FEZ1: variants seen among roughly 807,000 people sequenced by gnomAD.
FEZ1 encodes fasciculation and elongation protein zeta-1.
FEZ1 carries 20 observed loss-of-function variants against 49.3 expected under a neutral mutation model. The ratio of observed to expected loss-of-function variants is 0.41; its 90% CI spans 0.29 to 0.59. FEZ1 has a LOEUF of 0.59. FEZ1 is among the 20% of genes least tolerant of loss of function. The pLI is 0.36. For missense variants in FEZ1, 413 were observed against 476.0 expected, an observed-to-expected ratio of 0.87 and a Z score of 1.23; for synonymous variants, 170 against 180.9, an observed-to-expected ratio of 0.94 and a Z score of 0.48.
rs2135731938 is a variant in FEZ1, at chr11:125,446,105, C to G, written c.1169G>C (p.Cys390Ser). Residue 390 changes from cysteine to serine, a missense_variant, in exon 10 of 10, where the codon TGC becomes TCC. Coordinates refer to ENST00000278919, the MANE Select transcript of FEZ1 (RefSeq NM_005103.5). ...LLTDYILKVLCPT is the reference protein window; with the variant it reads ...LLTDYILKVLSPT ...CTCCAAAGGGCAAGGTTAGGTAGGG[C>G]AGAGCACTGCAACGAGAAGAGAGGA... The G allele has an allele frequency of 1.9e-6, 3 of 1,613,998 alleles. No individual in the cohort carries two copies. The highest frequency in any genetic ancestry group is 2.5e-6 in the Non-Finnish European group (3 of 1,179,902).
chr11:125,481,712 G>T, intron 2 of FEZ1, 79 bp from the exon 3 acceptor site: 1 of 961,260 alleles, frequency 1.0e-6, no homozygotes. Context: ...TGGGCCGGGA[G>T]AGGAGAGAGG....
chr11:125,474,251 C>G (rs533994603), intron 3 of FEZ1, among the ~76,000 whole-genome samples: 24 of 146,824 alleles, frequency 1.6e-4, no homozygotes, highest in Non-Finnish European at 2.7e-4. Context: ...TGTTAGCCAG[C>G]ATGGTCTCAA....
intron 2 of FEZ1, among the ~76,000 whole-genome samples, chr11:125,484,940 A>G (rs1565303648): frequency 6.6e-6 from 1 of 152,128 alleles, no homozygotes; most frequent in Non-Finnish European, 1.5e-5. Flanking sequence ...AGGAAGAGAA[A>G]GGGAAGGGCT....
At position 125,495,375 on chromosome 11, in the gene FEZ1, C is replaced by T. The variant is rs763065434; in HGVS notation, c.-46+746G>A. On this transcript the variant is annotated intron_variant, in intron 1 of 9. Transcript: ENST00000278919. This position sits in a 1 kb window ranked among gnomAD's most constrained non-coding sequence, Gnocchi z 4.2. ...AGGGATAGGCAAAAGGGAAGAAGAG[C>T]GGGCTGTGATACCTCCTCGACGCCG... is the stretch of plus-strand genomic sequence containing the variant. The T allele has an allele frequency of 6.4e-6, 3 of 470,422 alleles. No homozygotes were observed. Among genetic ancestry groups the T allele is most frequent in the Admixed American group, 2.4e-5 (1 of 42,516 alleles). 29.1% of individuals were successfully genotyped at this position (470,422 alleles called of 1,614,324 possible).
At chr11:125,486,846 A>T (rs1444770273) in intron 2 of FEZ1, among the ~76,000 whole-genome samples, 1 of 152,226 alleles carries the variant, frequency 6.6e-6, no homozygotes, top group African/African-American at 2.4e-5. Context: ...TCACAGTTGA[A>T]ATATCTGGAT....
intron 2 of FEZ1, 174 bp from the exon 3 acceptor site, chr11:125,481,807 G>A: frequency 3.2e-6 from 2 of 616,658 alleles, no homozygotes; most frequent in Non-Finnish European, 5.8e-6. Context: ...GGCACATCCA[G>A]GGGAGAAAGT....
intron 5 of FEZ1, among the ~76,000 whole-genome samples, chr11:125,456,605 CTG>C (rs1481918798): frequency 2.6e-5 from 4 of 152,160 alleles, no homozygotes; most frequent in Admixed American, 2.6e-4. Context: ...ATCTCTGGTC[CTG>C]TGTCGCAGTG....
At chr11:125,470,875 A>G (rs542172840) in intron 3 of FEZ1, among the ~76,000 whole-genome samples, 1 of 152,310 alleles carries the variant, frequency 6.6e-6, no homozygotes, top group South Asian at 2.1e-4. Context: ...CTAACTGTCT[A>G]AAGCAAAAAT....
rs1957470387 is a variant in FEZ1, at chr11:125,496,239, G to C, written c.-164C>G. On this transcript the variant is annotated 5_prime_UTR_variant, in exon 1 of 10. Coordinates refer to ENST00000278919, the MANE Select transcript of FEZ1 (RefSeq NM_005103.5). ...CAGCGGAGAGCCAGCCAGCCAGCCA[G>C]CCAGCGAGCGCTCCCCGCGCAGCTC... 6.6e-6 allele frequency: 1 copy of C among 152,486 alleles called. No individual in the cohort carries two copies. The highest frequency in any genetic ancestry group is 6.6e-5 in the Admixed American group (1 of 15,200). 9.4% of individuals were successfully genotyped at this position (152,486 alleles called of 1,614,324 possible).
At chr11:125,479,819 T>C (rs1957263827) in intron 3 of FEZ1, among the ~76,000 whole-genome samples, 1 of 152,214 alleles carries the variant, frequency 6.6e-6, no homozygotes, top group Non-Finnish European at 1.5e-5. Context: ...AATCAACTTC[T>C]GTTGTTAATA....
chr11:125,494,840 G>C (rs1042185957), intron 1 of FEZ1, among the ~76,000 whole-genome samples: 4 of 152,086 alleles, frequency 2.6e-5, no homozygotes, highest in Non-Finnish European at 5.9e-5. Flanking sequence ...GACCCGAGTG[G>C]AGCGGAGCGG....
chr11:125,467,192 CCTGA>C (rs1242174385), intron 3 of FEZ1, among the ~76,000 whole-genome samples: 1 of 151,988 alleles, frequency 6.6e-6, no homozygotes, highest in African/African-American at 2.4e-5. Flanking sequence ...TGCCACCACA[CCTGA>C]CTAAGATTTT....
intron 2 of FEZ1, among the ~76,000 whole-genome samples, chr11:125,483,006 T>TAAAAAAAAAAAAAAAA (rs1957298030): frequency 1.7e-5 from 1 of 57,296 alleles, no homozygotes. Flanking sequence ...AAAAAAAAAC[T>TAAAAAAAAAAAAAAAA]AAAATATTAG....
intron 3 of FEZ1, among the ~76,000 whole-genome samples, chr11:125,473,472 G>C (rs921319253): frequency 6.6e-6 from 1 of 152,084 alleles, no homozygotes; most frequent in Non-Finnish European, 1.5e-5. Flanking sequence ...AGCAACCTGG[G>C]AATCAAAAAT....
rs1368545740 is a variant in FEZ1, at chr11:125,496,223, G to T, written c.-148C>A. ...GGAGCGCAGCGCAGCGCAGCGGAGA[G>T]CCAGCCAGCCAGCCAGCCAGCGAGC... On this transcript the variant is annotated 5_prime_UTR_variant, in exon 1 of 10. Transcript: ENST00000278919. The T allele has an allele frequency of 6.5e-6, 1 of 152,742 alleles. No individual in the cohort carries two copies. The highest frequency in any genetic ancestry group is 1.5e-5 in the Non-Finnish European group (1 of 68,670). 9.5% of individuals were successfully genotyped at this position (152,742 alleles called of 1,614,324 possible). A position where few individuals can be genotyped will look rare whatever the true frequency, so the allele number is the denominator to read the frequency against.
intron 5 of FEZ1, among the ~76,000 whole-genome samples, chr11:125,457,935 G>T (rs966146975): frequency 6.6e-6 from 1 of 152,042 alleles, no homozygotes; most frequent in Non-Finnish European, 1.5e-5. Context: ...CTTTGGAGCT[G>T]CCCTCTCCCC....
Position 125,489,860 on chromosome 11 carries a change from G to T in FEZ1, c.-45-38C>A. The T allele has an allele frequency of 6.8e-7, 1 of 1,472,378 alleles. No homozygotes were observed. The highest frequency in any genetic ancestry group is 9.0e-7 in the Non-Finnish European group (1 of 1,110,556). 91.2% of individuals were successfully genotyped at this position (1,472,378 alleles called of 1,614,324 possible). A position where few individuals can be genotyped will look rare whatever the true frequency, so the allele number is the denominator to read the frequency against. On this transcript the variant is annotated intron_variant, in intron 1 of 9. Coordinates refer to ENST00000278919, the MANE Select transcript of FEZ1 (RefSeq NM_005103.5). This position sits in a 1 kb window ranked among gnomAD's most constrained non-coding sequence, Gnocchi z 4.2. Reference sequence around the variant, plus strand: ...AACAGCGTAATGTGAGTTTAGACCAGGCTAATCTAAATAATAGAGTTAACT... The same window carrying T: ...AACAGCGTAATGTGAGTTTAGACCATGCTAATCTAAATAATAGAGTTAACT...
chr11:125,446,038 G>A lies in FEZ1; in HGVS notation c.*57C>T. On this transcript the variant is annotated 3_prime_UTR_variant, in exon 10 of 10. Coordinates refer to ENST00000278919, the MANE Select transcript of FEZ1 (RefSeq NM_005103.5). ...TTACATGGTCTCATGCAGTCCCTGT[G>A]ATGGAATGACTCTTGCTCAGTGACC... is the stretch of plus-strand genomic sequence containing the variant. 1 of 1,551,292 alleles carries A rather than the reference G, an allele frequency of 6.4e-7. No homozygotes were observed.
At chr11:125,474,191 A>ATTTTTTTT (rs34135138) in intron 3 of FEZ1, among the ~76,000 whole-genome samples, 6 of 128,450 alleles carry the variant, frequency 4.7e-5, no homozygotes, top group Non-Finnish European at 6.5e-5. Flanking sequence ...TGCCAGGCTA[A>ATTTTTTTT]TTTTTTTTTT....
Sources: gnomAD v4.1 joint callset for allele counts (sites outside exome capture counted in the v4.1 genomes callset) on GRCh38, gnomAD v4.1.1 for gene constraint, Gnocchi (gnomAD v3.1) non-coding constraint, MANE v1.5 for transcripts, NCBI Gene and HGNC (gene_info 2026-07-23, HGNC 2026-07-21) for gene names.